The following ATP13A3 variants were observed in gnomAD, a reference collection of about 807,000 sequenced individuals.
ATP13A3 encodes the protein polyamine-transporting ATPase 13A3.
In ATP13A3, 59 loss-of-function variants were observed where a neutral mutation model predicts 158.1. That is an observed-to-expected ratio of 0.37 (90% CI 0.30 to 0.46). The LOEUF is 0.46. Ranked by LOEUF, ATP13A3 falls within the 20% of genes least tolerant of loss-of-function variation. The pLI is 1.00. For missense variants in ATP13A3, 1,166 were observed against 1,525.2 expected, an observed-to-expected ratio of 0.76 and a Z score of 3.92; for synonymous variants, 491 against 504.3, an observed-to-expected ratio of 0.97 and a Z score of 0.35.
At chr3:194,413,970 C>T (rs1715626702) in intron 31 of ATP13A3, 131 bp from the exon 32 acceptor site, 1 of 751,950 alleles carries the variant, frequency 1.3e-6, no homozygotes, top group Non-Finnish European at 2.3e-6. Flanking sequence ...TCTACTTAAT[C>T]CTCAACAATG....
intron 30 of ATP13A3, chr3:194,424,490 A>C (rs1307917820): frequency 6.6e-6 from 1 of 152,164 alleles, no homozygotes; most frequent in Non-Finnish European, 1.5e-5. Context: ...AATGCCTTAT[A>C]AATGCTAATA....
intron 2 of ATP13A3, among the ~76,000 whole-genome samples, chr3:194,492,956 A>G (rs997901971): frequency 1.1e-4 from 16 of 152,130 alleles, no homozygotes; most frequent in African/African-American, 3.9e-4. Flanking sequence ...TATGGGAAAC[A>G]GGCACATAAA....
At chr3:194,454,690 A>G (rs570489577) in intron 8 of ATP13A3, among the ~76,000 whole-genome samples, 78 of 152,228 alleles carry the variant, frequency 5.1e-4, no homozygotes, top group East Asian at 1.5e-3. Flanking sequence ...TTAGCTGGGC[A>G]TGGTGGCAGG....
At position 194,435,733 on chromosome 3, in the gene ATP13A3, C is replaced by A. The variant is rs1054967190; in HGVS notation, c.2120+1362G>T. Among the ~76,000 whole-genome samples the A allele has an allele frequency of 2.0e-5, 3 of 152,068 alleles. No individual in the cohort carries two copies. The South Asian group carries it at 6.2e-4, about 32-fold the overall frequency. Reference sequence around the variant, plus strand: ...ACCAGCCTGGCCAACATAGTGAAACCCTGTCTCTACCTAAAATACAAAAAT... The same window carrying A: ...ACCAGCCTGGCCAACATAGTGAAACACTGTCTCTACCTAAAATACAAAAAT... On this transcript the variant is annotated intron_variant, in intron 20 of 33. Coordinates refer to ENST00000645319, the MANE Select transcript of ATP13A3 (RefSeq NM_001367549.1).
upstream of ATP13A3, among the ~76,000 whole-genome samples, chr3:194,490,300 C>G (rs529747119): frequency 6.6e-6 from 1 of 152,332 alleles, no homozygotes; most frequent in African/African-American, 2.4e-5. This position sits in a 1 kb window ranked among gnomAD's most constrained non-coding sequence, Gnocchi z 4.4. Context: ...TAGCTCTCCA[C>G]AAAATGACCA....
chr3:194,408,113 G>A lies in ATP13A3; in HGVS notation c.3574-1997C>T, dbSNP rs960236561. On this transcript the variant is annotated intron_variant, in intron 33 of 33. Coordinates refer to ENST00000645319, the MANE Select transcript of ATP13A3 (RefSeq NM_001367549.1). ...AAGCTCACTGCAACCACTGTCTCCC[G>A]GGTTCAAGCGATTCTCCTGCCTCAG... Among the ~76,000 whole-genome samples the A allele has an allele frequency of 3.3e-5, 5 of 151,066 alleles. No homozygotes were observed. The East Asian group carries it at 5.9e-4, about 18-fold the overall frequency.
intron 13 of ATP13A3, among the ~76,000 whole-genome samples, chr3:194,447,408 T>G (rs1385721088): frequency 6.6e-6 from 1 of 152,166 alleles, no homozygotes; most frequent in Non-Finnish European, 1.5e-5. Flanking sequence ...TCAACAATCA[T>G]TATCAGATAT....
rs57063539 is a variant in ATP13A3, at chr3:194,456,019, G to A, written c.561-57C>T. 6.5e-4 allele frequency: 724 copies of A among 1,105,568 alleles called. 5 individuals are homozygous for A. The African/African-American group carries it at 0.011, about 16-fold the overall frequency. 68.5% of individuals were successfully genotyped at this position (1,105,568 alleles called of 1,614,324 possible). A position where few individuals can be genotyped will look rare whatever the true frequency, so the allele number is the denominator to read the frequency against. On this transcript the variant is annotated intron_variant, in intron 7 of 33. Coordinates refer to ENST00000645319, the MANE Select transcript of ATP13A3 (RefSeq NM_001367549.1). ...ATTATATCATAATAGTATAATTTAC[G>A]AAAGGCATTGTATTAGGTAAGGCTT...
upstream of ATP13A3, chr3:194,487,043 C>CGCGGAGG (rs1217347684): frequency 6.7e-6 from 1 of 150,176 alleles, no homozygotes; most frequent in African/African-American, 2.4e-5. Flanking sequence ...TTCATCCCCG[C>CGCGGAGG]GCGGAGGGCG....
chr3:194,425,830 A>C (rs1314282569), intron 29 of ATP13A3, among the ~76,000 whole-genome samples: 1 of 152,208 alleles, frequency 6.6e-6, no homozygotes, highest in African/African-American at 2.4e-5. Context: ...AAACAGAGAC[A>C]ATGGGCTTGA....
At chr3:194,487,256 T>C (rs1295508827), upstream of ATP13A3, among the ~76,000 whole-genome samples, 2 of 151,996 alleles carry the variant, frequency 1.3e-5, no homozygotes, top group African/African-American at 4.8e-5. Flanking sequence ...TGGGATGAAA[T>C]GGAACGGCAA....
chr3:194,457,070 T>C (rs1719283798), intron 7 of ATP13A3, 24 bp downstream of exon 7: 1 of 1,573,744 alleles, frequency 6.4e-7, no homozygotes, highest in South Asian at 1.1e-5. Flanking sequence ...TGAGAAGATC[T>C]AACTTTAGTT....
At chr3:194,415,433 T>G (rs1184105766) in intron 31 of ATP13A3, among the ~76,000 whole-genome samples, 1 of 152,154 alleles carries the variant, frequency 6.6e-6, no homozygotes, top group African/African-American at 2.4e-5. Flanking sequence ...TGTTTTCTTC[T>G]TTTACTGTAA....
At position 194,425,268 on chromosome 3, in the gene ATP13A3, G is replaced by A. The variant is rs564690259; in HGVS notation, c.3313+74C>T. 4 of 1,329,072 alleles carry A rather than the reference G, an allele frequency of 3.0e-6. No homozygotes were observed. The African/African-American group carries it at 6.0e-5, about 20-fold the overall frequency. The allele number at this position is 1,329,072 out of a possible 1,614,324, so 82.3% of individuals were successfully genotyped here. ...GATCTGGTTTACTGTGGCAAAGACA[G>A]TTATAATTATTCTCTTCTACATTAG... is the stretch of plus-strand genomic sequence containing the variant. On this transcript the variant is annotated intron_variant, in intron 30 of 33. Transcript: ENST00000645319.
At chr3:194,444,320 G>A (rs1271426509) in intron 15 of ATP13A3, among the ~76,000 whole-genome samples, 1 of 152,138 alleles carries the variant, frequency 6.6e-6, no homozygotes, top group African/African-American at 2.4e-5. Context: ...TCATTCAATG[G>A]AATAAGACAG....
intron 21 of ATP13A3, 163 bp from the exon 22 acceptor site, chr3:194,432,055 C>G: frequency 1.8e-6 from 1 of 560,188 alleles, no homozygotes; most frequent in Non-Finnish European, 2.8e-6. Flanking sequence ...AAAATTGGAG[C>G]ATACTTATCA....
chr3:194,480,315 C>T (rs1024144327), intron 2 of ATP13A3, among the ~76,000 whole-genome samples: 2 of 152,100 alleles, frequency 1.3e-5, no homozygotes, highest in Non-Finnish European at 2.9e-5. Context: ...TCCAATACAC[C>T]ATGCCCTCTC....
chr3:194,455,097 T>A (rs1229960335), intron 8 of ATP13A3, among the ~76,000 whole-genome samples: 1 of 152,236 alleles, frequency 6.6e-6, no homozygotes, highest in African/African-American at 2.4e-5. Flanking sequence ...TTGCTTACTA[T>A]AAACTCAAAA....
At chr3:194,412,606 T>C (rs1275455820) in intron 32 of ATP13A3, 2 of 317,574 alleles carry the variant, frequency 6.3e-6, no homozygotes, top group African/African-American at 2.1e-5. Context: ...GTTATTTTCA[T>C]TGAATATCTA....
Sources: allele counts gnomAD v4.1 joint callset (sites outside exome capture counted in the v4.1 genomes callset), GRCh38; gene constraint gnomAD v4.1.1; non-coding constraint Gnocchi (gnomAD v3.1); transcripts MANE v1.5; gene names NCBI Gene and HGNC (gene_info 2026-07-23, HGNC 2026-07-21).